Variants in NXPH1 observed in about 807,000 individuals in gnomAD.
NXPH1 encodes the protein neurexophilin-1.
Under a neutral mutation model 23.7 loss-of-function variants are expected in NXPH1, and 5 were observed. The observed-to-expected ratio is 0.21, with a 90% CI of 0.11 to 0.44. The LOEUF is 0.44. Ranked by LOEUF, NXPH1 falls within the 20% of genes least tolerant of loss-of-function variation. NXPH1 has a pLI of 0.99. For synonymous variants in NXPH1, 144 were observed against 122.2 expected (o/e 1.18, Z -1.18); for missense variants, 324 against 321.6 (o/e 1.01, Z -0.06).
intron 2 of NXPH1, among the ~76,000 whole-genome samples, chr7:8,592,276 A>G (rs1445277730): frequency 6.6e-6 from 1 of 151,984 alleles, no homozygotes; most frequent in Non-Finnish European, 1.5e-5. Context: ...TGAAGAATTC[A>G]GTCACCATCT....
chr7:8,736,892 G>A (rs1325134968), intron 2 of NXPH1, among the ~76,000 whole-genome samples: 1 of 151,268 alleles, frequency 6.6e-6, no homozygotes, highest in Non-Finnish European at 1.5e-5. Flanking sequence ...GCCCTTCTTT[G>A]TCTTTTTTGG....
At chr7:8,509,547 T>C (rs1224444491) in intron 2 of NXPH1, among the ~76,000 whole-genome samples, 1 of 152,094 alleles carries the variant, frequency 6.6e-6, no homozygotes, top group Non-Finnish European at 1.5e-5. Context: ...AAATTGGTAG[T>C]CCTCTGATTC....
intron 2 of NXPH1, among the ~76,000 whole-genome samples, chr7:8,715,855 G>T: frequency 6.6e-6 from 1 of 152,066 alleles, no homozygotes. Flanking sequence ...ATTATAAGAA[G>T]TTGAAATCCT....
intron 2 of NXPH1, among the ~76,000 whole-genome samples, chr7:8,729,939 G>T (rs1489245120): frequency 7.0e-6 from 1 of 143,546 alleles, no homozygotes; most frequent in South Asian, 2.3e-4. Flanking sequence ...TGACAGTGGG[G>T]TGTTAAAGTC....
intron 2 of NXPH1, among the ~76,000 whole-genome samples, chr7:8,552,154 A>C: frequency 6.7e-6 from 1 of 149,404 alleles, no homozygotes; most frequent in South Asian, 2.1e-4. Context: ...CACCAAAACC[A>C]CACAAACCGT....
chr7:8,713,559 T>C (rs1779829498), intron 2 of NXPH1, among the ~76,000 whole-genome samples: 1 of 152,144 alleles, frequency 6.6e-6, no homozygotes, highest in Admixed American at 6.5e-5. Context: ...TATTGTAGTC[T>C]TTGCAACCTT....
intron 2 of NXPH1, among the ~76,000 whole-genome samples, chr7:8,441,094 G>A (rs1816289440): frequency 6.6e-6 from 1 of 152,010 alleles, no homozygotes; most frequent in South Asian, 2.1e-4. Context: ...GCTCCTCTTG[G>A]GCAACCATTG....
chr7:8,740,435 G>A (rs1253688577), intron 2 of NXPH1, among the ~76,000 whole-genome samples: 4 of 152,138 alleles, frequency 2.6e-5, no homozygotes, highest in African/African-American at 9.7e-5. Context: ...AACCCAATGA[G>A]TTAGGTATTA....
intron 2 of NXPH1, among the ~76,000 whole-genome samples, chr7:8,589,839 A>G (rs55762128): frequency 0.42 from 64,165 of 151,838 alleles, 15,791 homozygotes; most frequent in African/African-American, 0.7. Context: ...CCATCCAATA[A>G]CCACCATCTA....
chr7:8,628,580 G>A (rs1230467541), intron 2 of NXPH1, among the ~76,000 whole-genome samples: 1 of 150,220 alleles, frequency 6.7e-6, no homozygotes, highest in Non-Finnish European at 1.5e-5. Context: ...AGCCCTTTTT[G>A]TGTATGTATA....
intron 2 of NXPH1, among the ~76,000 whole-genome samples, chr7:8,622,883 G>A (rs1819905077): frequency 6.6e-6 from 1 of 152,148 alleles, no homozygotes; most frequent in Non-Finnish European, 1.5e-5. Flanking sequence ...GGAATATTAA[G>A]GACTATGAGT....
At chr7:8,616,798 G>A (rs942815262) in intron 2 of NXPH1, among the ~76,000 whole-genome samples, 1 of 149,970 alleles carries the variant, frequency 6.7e-6, no homozygotes, top group African/African-American at 2.5e-5. Context: ...ACAAATACAA[G>A]CTACTGAAGT....
chr7:8,627,376 G>A (rs1188486557), intron 2 of NXPH1, among the ~76,000 whole-genome samples: 1 of 152,100 alleles, frequency 6.6e-6, no homozygotes, highest in Non-Finnish European at 1.5e-5. Flanking sequence ...GGGGAAATAG[G>A]TAATGAAATA....
chr7:8,629,767 A>C (rs1348970929), intron 2 of NXPH1, among the ~76,000 whole-genome samples: 1 of 152,150 alleles, frequency 6.6e-6, no homozygotes, highest in Admixed American at 6.6e-5. Flanking sequence ...ATTACAAATG[A>C]GTCACTTTAA....
intron 2 of NXPH1, among the ~76,000 whole-genome samples, chr7:8,602,704 C>G (rs1323923871): frequency 6.6e-6 from 1 of 152,156 alleles, no homozygotes; most frequent in African/African-American, 2.4e-5. Flanking sequence ...GTTGTGAAGA[C>G]TCATTTACTG....
At chr7:8,647,897 A>C (rs545956944) in intron 2 of NXPH1, among the ~76,000 whole-genome samples, 1 of 152,046 alleles carries the variant, frequency 6.6e-6, no homozygotes, top group Non-Finnish European at 1.5e-5. Context: ...ACTGTGTTTA[A>C]AAATTTGAAA....
intron 2 of NXPH1, among the ~76,000 whole-genome samples, chr7:8,635,892 C>T (rs10276202): frequency 0.34 from 51,377 of 151,806 alleles, 9,315 homozygotes; most frequent in African/African-American, 0.47. Context: ...TAAATGTGTA[C>T]TAATTGTACC....
intron 2 of NXPH1, among the ~76,000 whole-genome samples, chr7:8,727,716 T>A (rs1469296660): frequency 6.6e-6 from 1 of 152,146 alleles, no homozygotes; most frequent in African/African-American, 2.4e-5. Context: ...TTGGTACCAG[T>A]ACCATGCTGT....
intron 2 of NXPH1, among the ~76,000 whole-genome samples, chr7:8,527,756 G>A (rs577658742): frequency 2.0e-5 from 3 of 152,276 alleles, no homozygotes; most frequent in African/African-American, 7.2e-5. Flanking sequence ...ATATGAAATT[G>A]TTTGACAGAC....
Sources: gnomAD v4.1 joint callset for allele counts (sites outside exome capture counted in the v4.1 genomes callset) on GRCh38, gnomAD v4.1.1 for gene constraint, MANE v1.5 for transcripts, NCBI Gene and HGNC (gene_info 2026-07-23, HGNC 2026-07-21) for gene names.